The following ARFGEF1 variants were observed in gnomAD, a reference collection of about 807,000 sequenced individuals.
ARFGEF1 encodes ARF guanine nucleotide exchange factor 1, also known as brefeldin A-inhibited guanine nucleotide-exchange protein 1.
Under a neutral mutation model 231.0 loss-of-function variants are expected in ARFGEF1, and 42 were observed. The ratio of observed to expected loss-of-function variants is 0.18; its 90% CI spans 0.14 to 0.24. The LOEUF (loss-of-function observed/expected upper bound fraction) is 0.24, where lower values mean the gene tolerates loss of function less well. ARFGEF1 is among the 10% of genes least tolerant of loss of function. The pLI is 1.00. For missense variants in ARFGEF1, 1,345 were observed against 2,192.0 expected, an observed-to-expected ratio of 0.61 and a Z score of 7.72; for synonymous variants, 710 against 732.3, an observed-to-expected ratio of 0.97 and a Z score of 0.49.
Position 67,301,264 on chromosome 8 carries a change from T to G in ARFGEF1, c.272A>C (p.Lys91Thr). The G allele has an allele frequency of 6.2e-7, 1 of 1,613,892 alleles. No individual in the cohort carries two copies. Among genetic ancestry groups the G allele is most frequent in the Non-Finnish European group, 8.5e-7 (1 of 1,179,958 alleles). Residue 91 changes from lysine (K) to threonine (T), a missense_variant, in exon 3 of 39, where the codon AAA becomes ACA. This residue lies in a region of ARFGEF1 where 398 missense variants were observed against 463.2 expected (regional missense o/e 0.86). Coordinates refer to ENST00000262215, the MANE Select transcript of ARFGEF1 (RefSeq NM_006421.5). ...FLPFELACQSKCPRIVSTSLD... is the reference protein window; with the variant it reads ...FLPFELACQSTCPRIVSTSLD... Reference sequence around the variant, plus strand: ...AGATGTACTAACTATGCGAGGACATTTGGACTGGCATGCCAACTCAAAAGG... The same window carrying G: ...AGATGTACTAACTATGCGAGGACATGTGGACTGGCATGCCAACTCAAAAGG...
chr8:67,327,319 C>CTTTT (rs140446436), intron 1 of ARFGEF1, among the ~76,000 whole-genome samples: 2 of 134,054 alleles, frequency 1.5e-5, no homozygotes, highest in African/African-American at 5.4e-5. Context: ...TGACGTACGT[C>CTTTT]TTTTTTTTTT....
At chr8:67,231,956 C>T (rs1333221851) in intron 23 of ARFGEF1, among the ~76,000 whole-genome samples, 1 of 151,620 alleles carries the variant, frequency 6.6e-6, no homozygotes, top group Non-Finnish European at 1.5e-5. Context: ...GCAAATGACT[C>T]TCCTCTTAAA....
intron 7 of ARFGEF1, among the ~76,000 whole-genome samples, chr8:67,279,365 C>T (rs183223300): frequency 1.6e-4 from 24 of 152,230 alleles, no homozygotes; most frequent in Non-Finnish European, 1.5e-5. Flanking sequence ...CACAAAAATA[C>T]ATCTCTTCCT....
intron 23 of ARFGEF1, among the ~76,000 whole-genome samples, chr8:67,229,534 C>T (rs900353250): frequency 2.6e-5 from 4 of 151,992 alleles, no homozygotes; most frequent in Admixed American, 2.0e-4. Context: ...TTTTCTATAT[C>T]GTTCGTCAGC....
intron 1 of ARFGEF1, among the ~76,000 whole-genome samples, chr8:67,341,864 G>A (rs994334878): frequency 2.0e-5 from 3 of 151,918 alleles, no homozygotes; most frequent in African/African-American, 7.3e-5. Context: ...GATAAGTAAG[G>A]TGAAAAAATA....
intron 17 of ARFGEF1, among the ~76,000 whole-genome samples, chr8:67,255,226 T>C (rs1445147835): frequency 1.3e-5 from 2 of 152,226 alleles, no homozygotes; most frequent in African/African-American, 4.8e-5. Flanking sequence ...ACTTCTGCCA[T>C]AGTGGGATTC....
chr8:67,235,706 A>G (rs942407567), intron 22 of ARFGEF1, among the ~76,000 whole-genome samples: 1 of 152,114 alleles, frequency 6.6e-6, no homozygotes, highest in Admixed American at 6.5e-5. Context: ...TAGTAACTTT[A>G]ATTTAAAAAA....
chr8:67,285,522 GA>G (rs1012656818), intron 7 of ARFGEF1, among the ~76,000 whole-genome samples: 1 of 150,440 alleles, frequency 6.6e-6, no homozygotes, highest in Non-Finnish European at 1.5e-5. Flanking sequence ...ATCTTGGGGG[GA>G]AAACAAAAAA....
chr8:67,246,263 T>A (rs1176565871), intron 19 of ARFGEF1, among the ~76,000 whole-genome samples: 1 of 150,452 alleles, frequency 6.6e-6, no homozygotes, highest in Non-Finnish European at 1.5e-5. Context: ...AACAAATGGA[T>A]CTAACAGATA....
At chr8:67,325,495 G>T (rs1807794367) in intron 1 of ARFGEF1, among the ~76,000 whole-genome samples, 2 of 151,982 alleles carry the variant, frequency 1.3e-5, no homozygotes, top group Admixed American at 1.3e-4. Context: ...TATCAGGCCT[G>T]TCCCAGTCCT....
intron 19 of ARFGEF1, among the ~76,000 whole-genome samples, chr8:67,242,246 G>A (rs1839953786): frequency 6.6e-6 from 1 of 152,186 alleles, no homozygotes; most frequent in East Asian, 1.9e-4. Context: ...GTGGCTAAGG[G>A]AGTGCTGGCA....
At chr8:67,194,923 A>G (rs1478070123), downstream of ARFGEF1, among the ~76,000 whole-genome samples, 1 of 152,182 alleles carries the variant, frequency 6.6e-6, no homozygotes, top group Admixed American at 6.5e-5. Flanking sequence ...ATAACTTAAT[A>G]ATTTCCTTAT....
At position 67,238,507 on chromosome 8, in the gene ARFGEF1, A is replaced by G. The variant is rs763477351; in HGVS notation, c.3139-14T>C. On this transcript the variant is annotated splice_polypyrimidine_tract_variant and intron_variant, in intron 21 of 38. Coordinates refer to ENST00000262215, the MANE Select transcript of ARFGEF1 (RefSeq NM_006421.5). ...GCACTTCAGAATCTTAATTACAAAA[A>G]GGAAAAAAATGTTAAATTCCATGTT... is the stretch of plus-strand genomic sequence containing the variant. 1 of 1,583,126 alleles carries G rather than the reference A, an allele frequency of 6.3e-7. No individual in the cohort carries two copies. The highest frequency in any genetic ancestry group is 2.0e-5 in the Admixed American group (1 of 49,800).
intron 1 of ARFGEF1, among the ~76,000 whole-genome samples, chr8:67,313,194 A>T (rs941283712): frequency 6.6e-6 from 1 of 152,148 alleles, no homozygotes; most frequent in African/African-American, 2.4e-5. Context: ...CCAGGAGTTC[A>T]TTTTTTGGAT....
intron 7 of ARFGEF1, among the ~76,000 whole-genome samples, chr8:67,280,996 CAAT>C (rs1805511154): frequency 6.7e-6 from 1 of 149,096 alleles, no homozygotes; most frequent in African/African-American, 2.5e-5. Context: ...AGGAATGTTG[CAAT>C]AATACACAAG....
intron 9 of ARFGEF1, among the ~76,000 whole-genome samples, chr8:67,274,283 A>C (rs1468630691): frequency 6.6e-6 from 1 of 151,964 alleles, no homozygotes; most frequent in Non-Finnish European, 1.5e-5. Flanking sequence ...GCAAAGACAA[A>C]AAAAAGAAAA....
rs1472796528 is a variant in ARFGEF1 at position 67,226,060 on chromosome 8, A to G, written c.4040T>C (p.Ile1347Thr). The G allele has an allele frequency of 1.9e-6, 3 of 1,612,782 alleles. No homozygotes were observed. Among genetic ancestry groups the G allele is most frequent in the Admixed American group, 1.7e-5 (1 of 59,832 alleles). The change falls in exon 28 of 39, where the codon ATT becomes ACT. Residue 1347 changes from isoleucine to threonine, a missense_variant. By Grantham distance (89) the Ile-to-Thr change is moderately conservative (BLOSUM62 -1). Coordinates refer to ENST00000262215, the MANE Select transcript of ARFGEF1 (RefSeq NM_006421.5). Reference sequence around the variant, plus strand: ...AGACACATATTTTGCACAATGGCGAATAAGTCGAATTGCTTCCATACTTGT... The same window carrying G: ...AGACACATATTTTGCACAATGGCGAGTAAGTCGAATTGCTTCCATACTTGT... ...PDTSMEAIRL[I>T]RHCAKYVSDR...
intron 22 of ARFGEF1, among the ~76,000 whole-genome samples, chr8:67,234,517 G>A (rs1261078715): frequency 1.3e-5 from 2 of 152,024 alleles, no homozygotes; most frequent in African/African-American, 2.4e-5. Context: ...ATAAAGTAAT[G>A]GAAACATACA....
chr8:67,291,834 TC>T lies in ARFGEF1; in HGVS notation c.916+12del, dbSNP rs1409351598. The T allele has an allele frequency of 1.2e-6, 2 of 1,610,716 alleles. No homozygotes were observed. Among genetic ancestry groups the T allele is most frequent in the Middle Eastern group, 1.6e-4 (1 of 6,074 alleles). ...TTAACACACACCCCAAACCCCCTTT[TC>T]AAGAAGATTACTTTCAGCTGCAGTT... On this transcript the variant is annotated intron_variant, in intron 6 of 38. Coordinates refer to ENST00000262215, the MANE Select transcript of ARFGEF1 (RefSeq NM_006421.5).
Sources: allele counts gnomAD v4.1 joint callset (sites outside exome capture counted in the v4.1 genomes callset), GRCh38; gene constraint gnomAD v4.1.1; regional missense constraint gnomAD v4.1.1; transcripts MANE v1.5; gene names NCBI Gene and HGNC (gene_info 2026-07-23, HGNC 2026-07-21).